The following POTEE variants were observed in gnomAD, a reference collection of about 807,000 sequenced individuals.
The protein encoded by POTEE is ANKRD26-like family C member 1A.
In POTEE, 21 loss-of-function variants were observed where a neutral mutation model predicts 74.2. The ratio of observed to expected loss-of-function variants is 0.28; its 90% CI spans 0.20 to 0.41. The LOEUF (loss-of-function observed/expected upper bound fraction) is 0.41. Ranked by LOEUF, POTEE falls within the 10% of genes least tolerant of loss-of-function variation. The pLI is 1.00. For missense variants in POTEE, 525 were observed against 1,158.6 expected (o/e 0.45, Z 7.94); for synonymous variants, 211 against 432.8 (o/e 0.49, Z 6.36).
chr2:131,211,838 G>A (rs1490607893), intron 2 of POTEE, among the ~76,000 whole-genome samples: 1 of 150,112 alleles, frequency 6.7e-6, no homozygotes, highest in Non-Finnish European at 1.5e-5. Flanking sequence ...TTATAGGCGT[G>A]AGCCACCACT....
At chr2:131,234,019 T>C (rs1429945139) in intron 9 of POTEE, among the ~76,000 whole-genome samples, 5 of 151,294 alleles carry the variant, frequency 3.3e-5, no homozygotes, top group Non-Finnish European at 7.3e-5. Flanking sequence ...CCAGCATTTA[T>C]AACTCGCATC....
chr2:131,230,415 A>T (rs1210960787), intron 8 of POTEE, among the ~76,000 whole-genome samples: 1 of 152,188 alleles, frequency 6.6e-6, no homozygotes, highest in Non-Finnish European at 1.5e-5. Context: ...TGAGCATTTA[A>T]AAAATGTTAT....
In POTEE at chr2:131,209,711, G is replaced by A. The variant is rs372113215; in HGVS notation, c.-453G>A. On this transcript the variant is annotated 5_prime_UTR_variant, in exon 1 of 18. Transcript: ENST00000683005. ...AAGACGAGTAGAAGGGAGCAGCACC[G>A]ACGCATGCTGGAGGCTGGAGCCTGA... Among the ~76,000 whole-genome samples, 67 of 152,298 alleles carry A rather than the reference G, an allele frequency of 4.4e-4. No individual in the cohort carries two copies. The highest frequency in any genetic ancestry group is 6.8e-3 in the Middle Eastern group (2 of 294).
intron 4 of POTEE, among the ~76,000 whole-genome samples, chr2:131,220,358 C>G (rs1295428952): frequency 6.6e-6 from 1 of 151,044 alleles, no homozygotes; most frequent in Non-Finnish European, 1.5e-5. Context: ...CGCCTGCCAC[C>G]ACGCCTGGCT....
intron 4 of POTEE, 55 bp from the exon 5 acceptor site, chr2:131,223,541 C>G: frequency 6.2e-7 from 1 of 1,609,358 alleles, no homozygotes; most frequent in Non-Finnish European, 8.5e-7. Flanking sequence ...TGAATCATTG[C>G]TATGGCTGTA....
intron 9 of POTEE, among the ~76,000 whole-genome samples, chr2:131,231,250 G>C (rs1466080355): frequency 6.7e-6 from 1 of 149,648 alleles, no homozygotes; most frequent in Non-Finnish European, 1.5e-5. Flanking sequence ...CAGATGGGCA[G>C]TTCACAACAG....
rs373382995 is a variant in POTEE at position 131,263,821 on chromosome 2, C to G, written c.2366C>G (p.Thr789Ser). ...WDDMEKIWHH[T>S]FYNELRVAPE... is the part of the protein sequence containing the mutation. Reference sequence around the variant, plus strand: ...GACATGGAGAAGATCTGGCACCACACCTTCTACAACGAGCTGCGTGTGGCT... The same window carrying G: ...GACATGGAGAAGATCTGGCACCACAGCTTCTACAACGAGCTGCGTGTGGCT... Residue 789 changes from threonine (T) to serine (S), a missense_variant, in exon 18 of 18, where the codon ACC (threonine) becomes AGC (serine). Thr to Ser is a moderately conservative substitution (Grantham distance 58). Transcript: ENST00000683005. The G allele has an allele frequency of 4.1e-5, 66 of 1,614,102 alleles. No individual in the cohort carries two copies. The African/African-American group carries it at 8.3e-4, about 20-fold the overall frequency.
intron 6 of POTEE, among the ~76,000 whole-genome samples, chr2:131,225,354 G>C (rs1428054721): frequency 6.6e-6 from 1 of 152,022 alleles, no homozygotes; most frequent in African/African-American, 2.4e-5. Flanking sequence ...GTCTAGCCTG[G>C]TCAACATAAT....
chr2:131,210,418 A>G (rs977730913), intron 1 of POTEE, among the ~76,000 whole-genome samples: 1 of 149,680 alleles, frequency 6.7e-6, no homozygotes, highest in African/African-American at 2.5e-5. Flanking sequence ...TGCCGGCGGC[A>G]GGGGTCAGGT....
At chr2:131,215,848 T>C (rs1188031312) in intron 2 of POTEE, among the ~76,000 whole-genome samples, 1 of 135,108 alleles carries the variant, frequency 7.4e-6, no homozygotes, top group Non-Finnish European at 1.6e-5. Context: ...AAATTACAAA[T>C]GCTGAGAACG....
intron 8 of POTEE, among the ~76,000 whole-genome samples, chr2:131,228,646 A>G (rs1343723954): frequency 6.8e-6 from 1 of 147,406 alleles, no homozygotes; most frequent in East Asian, 1.9e-4. Context: ...TCCAAGTGTA[A>G]CACCTATGCA....
intron 16 of POTEE, among the ~76,000 whole-genome samples, chr2:131,261,276 G>T (rs1425126663): frequency 5.6e-5 from 8 of 141,928 alleles, no homozygotes; most frequent in African/African-American, 7.9e-5. Flanking sequence ...GTTGTAAGTT[G>T]CTCATGCAGG....
At chr2:131,235,042 TACTC>T (rs921374792) in intron 9 of POTEE, among the ~76,000 whole-genome samples, 1 of 142,820 alleles carries the variant, frequency 7.0e-6, no homozygotes, top group African/African-American at 2.8e-5. Flanking sequence ...GGCAATGCCC[TACTC>T]ACTCATCCTC....
In POTEE at chr2:131,263,631, G is replaced by A. The variant is rs1559207711; in HGVS notation, c.2176G>A (p.Ala726Thr). 6.3e-7 allele frequency: 1 copy of A among 1,585,150 alleles called. No individual in the cohort carries two copies. The highest frequency in any genetic ancestry group is 1.1e-5 in the South Asian group (1 of 88,784). ...CAAGGCCGGCTTTGCGGGCGACGAT[G>A]CCCCCCGGGCTGTCTTCCCTTCCAT... ...MCKAGFAGDD[A>T]PRAVFPSIVG... Residue 726 changes from alanine (A) to threonine (T), a missense_variant, in exon 18 of 18, where the codon GCC (alanine) becomes ACC (threonine). Physicochemically the swap from Ala to Thr is moderately conservative, Grantham distance 58 (BLOSUM62 0). Coordinates refer to ENST00000683005, the MANE Select transcript of POTEE (RefSeq NM_001083538.3).
chr2:131,237,763 G>T (rs1403885210), intron 10 of POTEE, among the ~76,000 whole-genome samples: 15 of 152,350 alleles, frequency 9.8e-5, no homozygotes, highest in Non-Finnish European at 1.6e-4. Context: ...GCACTGTAGG[G>T]GCTCACTAGT....
intron 2 of POTEE, among the ~76,000 whole-genome samples, chr2:131,211,690 C>G (rs1473119844): frequency 1.3e-5 from 2 of 150,738 alleles, no homozygotes; most frequent in African/African-American, 4.9e-5. Context: ...GTAGCTGGGA[C>G]TACAGGCGCC....
At chr2:131,256,810 A>G (rs2105131335) in intron 16 of POTEE, among the ~76,000 whole-genome samples, 1 of 150,612 alleles carries the variant, frequency 6.6e-6, no homozygotes, top group African/African-American at 2.4e-5. Context: ...GAAAATGAAA[A>G]AAAAGAGAGA....
At chr2:131,220,469 G>C (rs1250791128) in intron 4 of POTEE, among the ~76,000 whole-genome samples, 2 of 151,474 alleles carry the variant, frequency 1.3e-5, no homozygotes, top group East Asian at 3.9e-4. Context: ...TTCCCCAAGT[G>C]CTGGGGTTAC....
chr2:131,228,957 C>T (rs1700863626), intron 8 of POTEE, among the ~76,000 whole-genome samples: 1 of 146,608 alleles, frequency 6.8e-6, no homozygotes, highest in African/African-American at 2.8e-5. Context: ...TCAGATCCCT[C>T]AAGTCTTCAT....
Sources: allele counts gnomAD v4.1 joint callset (sites outside exome capture counted in the v4.1 genomes callset), GRCh38; gene constraint gnomAD v4.1.1; transcripts MANE v1.5; gene names NCBI Gene and HGNC (gene_info 2026-07-23, HGNC 2026-07-21).